The following EPM2A variants were observed in gnomAD, a reference collection of about 807,000 sequenced individuals.
The protein encoded by EPM2A is EPM2A glucan phosphatase, laforin, also known as laforin.
In EPM2A, 21 loss-of-function variants were observed where a neutral mutation model predicts 26.5. That is an observed-to-expected ratio of 0.79 (90% CI 0.56 to 1.14). The LOEUF (loss-of-function observed/expected upper bound fraction) is 1.14. Ranked by LOEUF, EPM2A falls within the 50% of genes most tolerant of loss-of-function variation. The probability of loss-of-function intolerance (pLI) is 0.00; values close to 1 mark genes in which losing one functional copy is unlikely to be tolerated. For synonymous variants in EPM2A, 217 were observed against 177.6 expected (o/e 1.22, Z -1.76); for missense variants, 458 against 440.8 (o/e 1.04, Z -0.35).
chr6:145,713,477 A>G (rs1775450892), intron 1 of EPM2A, among the ~76,000 whole-genome samples: 1 of 152,216 alleles, frequency 6.6e-6, no homozygotes, highest in African/African-American at 2.4e-5. Context: ...CATAAAGCCA[A>G]TAAGTACCTG....
chr6:145,450,348 CTCAAAAAA>C, intron 4 of EPM2A, among the ~76,000 whole-genome samples: 1 of 98,264 alleles, frequency 1.0e-5, no homozygotes, highest in African/African-American at 3.7e-5. Flanking sequence ...GAGACTCCGT[CTCAAAAAA>C]AAAAAAAAAA....
chr6:145,434,435 T>A (rs1180773756), intron 4 of EPM2A, among the ~76,000 whole-genome samples: 2 of 152,096 alleles, frequency 1.3e-5, no homozygotes, highest in African/African-American at 2.4e-5. Context: ...TCTTAGACAA[T>A]GAGTTCTTGT....
intron 2 of EPM2A, among the ~76,000 whole-genome samples, chr6:145,516,674 C>T (rs1171177333): frequency 6.6e-6 from 1 of 151,978 alleles, no homozygotes; most frequent in Non-Finnish European, 1.5e-5. Context: ...AAGTATATGG[C>T]CAGAGAAATG....
At chr6:145,538,218 C>A (rs181017388) in intron 2 of EPM2A, among the ~76,000 whole-genome samples, 1 of 151,976 alleles carries the variant, frequency 6.6e-6, no homozygotes, top group African/African-American at 2.4e-5. Context: ...TATGCTCCCA[C>A]CAACAGTGTA....
chr6:145,625,906 A>G lies in EPM2A; in HGVS notation c.*1510T>C. The G allele has an allele frequency of 6.9e-7, 1 of 1,444,716 alleles. No individual in the cohort carries two copies. The highest frequency in any genetic ancestry group is 2.5e-5 in the East Asian group (1 of 39,748). The allele number at this position is 1,444,716 out of a possible 1,614,324, so 89.5% of individuals were successfully genotyped here. A position where few individuals can be genotyped will look rare whatever the true frequency, so the allele number is the denominator to read the frequency against. On this transcript the variant is annotated 3_prime_UTR_variant, in exon 4 of 4. Transcript: ENST00000367519. ...AGGTGCAGAAAAATAAATACGCATC[A>G]TAGTTTAATTAGGAAAGTAAGGGCT...
At chr6:145,506,888 G>C (rs1356557650) in intron 2 of EPM2A, among the ~76,000 whole-genome samples, 1 of 152,186 alleles carries the variant, frequency 6.6e-6, no homozygotes, top group East Asian at 1.9e-4. Flanking sequence ...AGAGAGAATA[G>C]ATGAGAAACA....
intron 2 of EPM2A, among the ~76,000 whole-genome samples, chr6:145,664,853 A>C (rs1479433142): frequency 2.0e-5 from 3 of 151,942 alleles, no homozygotes; most frequent in Non-Finnish European, 4.4e-5. Context: ...CTCAGGATTA[A>C]GACTCTCACT....
At chr6:145,616,559 A>G (rs919675562) in intron 2 of EPM2A, among the ~76,000 whole-genome samples, 1 of 152,234 alleles carries the variant, frequency 6.6e-6, no homozygotes, top group African/African-American at 2.4e-5. Context: ...CCAGAATGGT[A>G]GATCCACTGA....
intron 2 of EPM2A, among the ~76,000 whole-genome samples, chr6:145,563,288 T>C (rs1780834331): frequency 6.6e-6 from 1 of 151,758 alleles, no homozygotes; most frequent in Non-Finnish European, 1.5e-5. Context: ...AAAAATGCAG[T>C]TCGACTCCTT....
At chr6:145,440,310 G>A (rs1779045702) in intron 4 of EPM2A, among the ~76,000 whole-genome samples, 1 of 152,094 alleles carries the variant, frequency 6.6e-6, no homozygotes, top group Admixed American at 6.5e-5. Flanking sequence ...CAGTATGGGG[G>A]AAACTGCCAC....
chr6:145,416,128 G>C (rs183665625), intron 4 of EPM2A, among the ~76,000 whole-genome samples: 3 of 152,214 alleles, frequency 2.0e-5, no homozygotes, highest in Admixed American at 2.0e-4. Context: ...TCAGCAAAAA[G>C]AGAAATATAA....
chr6:145,487,680 T>G (rs776572341), intron 4 of EPM2A, among the ~76,000 whole-genome samples: 11 of 152,212 alleles, frequency 7.2e-5, no homozygotes, highest in Non-Finnish European at 1.6e-4. Context: ...TTGTTTCTTG[T>G]AAATTTATTT....
At chr6:145,667,374 C>T in intron 2 of EPM2A, among the ~76,000 whole-genome samples, 1 of 145,988 alleles carries the variant, frequency 6.8e-6, no homozygotes, top group African/African-American at 2.8e-5. Flanking sequence ...AGACACTTCT[C>T]AAAAGAAGAT....
intron 2 of EPM2A, among the ~76,000 whole-genome samples, chr6:145,587,374 G>C (rs536394476): frequency 6.6e-6 from 1 of 152,282 alleles, no homozygotes; most frequent in Admixed American, 6.5e-5. Flanking sequence ...AATATGCCTT[G>C]AAGTGTTATT....
chr6:145,461,308 C>T (rs185175871), intron 4 of EPM2A, among the ~76,000 whole-genome samples: 2 of 152,206 alleles, frequency 1.3e-5, no homozygotes, highest in East Asian at 3.9e-4. Flanking sequence ...TTGGAGTGCA[C>T]CATAGTCAAT....
chr6:145,627,905 G>C, intron 3 of EPM2A: 1 of 654,928 alleles, frequency 1.5e-6, no homozygotes, highest in East Asian at 2.8e-5. Flanking sequence ...GAGGCCAGAG[G>C]CTCTCTCTAA....
intron 2 of EPM2A, among the ~76,000 whole-genome samples, chr6:145,536,903 G>A (rs1478270980): frequency 1.3e-5 from 2 of 152,148 alleles, no homozygotes; most frequent in Admixed American, 1.3e-4. Flanking sequence ...GCTTTATCGT[G>A]GAAAAAAGAG....
intron 2 of EPM2A, among the ~76,000 whole-genome samples, chr6:145,598,918 G>C (rs1181944641): frequency 6.6e-6 from 1 of 152,092 alleles, no homozygotes; most frequent in Non-Finnish European, 1.5e-5. Flanking sequence ...AAAGTTGTAG[G>C]TGTGCAGCCT....
intron 2 of EPM2A, among the ~76,000 whole-genome samples, chr6:145,677,031 T>G (rs2128605200): frequency 6.6e-6 from 1 of 152,272 alleles, no homozygotes; most frequent in African/African-American, 2.4e-5. Flanking sequence ...GCAAAAATCC[T>G]CAGTAAAATA....
Sources: gnomAD v4.1 joint callset for allele counts (sites outside exome capture counted in the v4.1 genomes callset) on GRCh38, gnomAD v4.1.1 for gene constraint, MANE v1.5 for transcripts, NCBI Gene and HGNC (gene_info 2026-07-23, HGNC 2026-07-21) for gene names.